Variants in PRKCQ observed in about 807,000 individuals in gnomAD.
PRKCQ encodes protein kinase C theta type.
In PRKCQ, 41 loss-of-function variants were observed where a neutral mutation model predicts 91.2. The ratio of observed to expected loss-of-function variants is 0.45; its 90% CI spans 0.35 to 0.58. The LOEUF (loss-of-function observed/expected upper bound fraction) is 0.58, where lower values mean the gene tolerates loss of function less well. Ranked by LOEUF, PRKCQ falls within the 20% of genes least tolerant of loss-of-function variation. The pLI, the probability that PRKCQ is intolerant of heterozygous loss-of-function variation, is 0.00. For missense variants in PRKCQ, 673 were observed against 896.5 expected (o/e 0.75, Z 3.18); for synonymous variants, 307 against 316.9 (o/e 0.97, Z 0.33).
At position 6,576,119 on chromosome 10, in the gene PRKCQ, C is replaced by T. The variant is rs570998107; in HGVS notation, c.-10+4092G>A. Among the ~76,000 whole-genome samples the T allele has an allele frequency of 1.7e-4, 26 of 152,160 alleles. No individual in the cohort carries two copies. Among genetic ancestry groups the T allele is most frequent in the South Asian group, 4.2e-4 (2 of 4,818 alleles). ...TTCTACCACTGGTGGGAATGTAAAA[C>T]GGTCCAGCCACTGTGGAAAACAATA... On this transcript the variant is annotated intron_variant, in intron 1 of 17. Transcript: ENST00000263125. This position sits in a 1 kb window ranked among gnomAD's most constrained non-coding sequence, Gnocchi z 4.2.
chr10:6,428,826 C>T (rs879537311), intron 17 of PRKCQ, among the ~76,000 whole-genome samples: 5 of 152,146 alleles, frequency 3.3e-5, no homozygotes, highest in Admixed American at 6.5e-5. Context: ...CTTTTATCAA[C>T]GTTCTTGGCT....
chr10:6,490,292 T>C (rs765073651), intron 8 of PRKCQ, among the ~76,000 whole-genome samples: 5 of 151,890 alleles, frequency 3.3e-5, no homozygotes, highest in Non-Finnish European at 7.4e-5. Context: ...AAGGGGAGAA[T>C]GCGGAAGATG....
In PRKCQ at chr10:6,562,991, T is replaced by A. The variant is rs116891000; in HGVS notation, c.-10+17220A>T. On this transcript the variant is annotated intron_variant, in intron 1 of 17. Coordinates refer to ENST00000263125, the MANE Select transcript of PRKCQ (RefSeq NM_006257.5). ...ATTTTCTGTAGTGATTACTTTTTAG[T>A]TTTTTTGTTGAAAAAAGGCTATGGA... Among the ~76,000 whole-genome samples, 20 of 152,222 alleles carry A rather than the reference T, an allele frequency of 1.3e-4. No individual in the cohort carries two copies. The East Asian group carries it at 3.9e-3, about 29-fold the overall frequency.
At chr10:6,495,240 G>C (rs1837524878) in intron 7 of PRKCQ, among the ~76,000 whole-genome samples, 1 of 152,152 alleles carries the variant, frequency 6.6e-6, no homozygotes, top group Admixed American at 6.6e-5. Context: ...TCTACTACAA[G>C]TTGCACAAAA....
chr10:6,402,309 A>G, the PRKCQ span, among the ~76,000 whole-genome samples: 27 of 149,874 alleles, frequency 1.8e-4, no homozygotes, highest in African/African-American at 6.7e-4. Flanking sequence ...CGTGTTCTGC[A>G]CATCTACCCC....
At chr10:6,499,786 G>C (rs112499850) in intron 4 of PRKCQ, among the ~76,000 whole-genome samples, 1 of 152,120 alleles carries the variant, frequency 6.6e-6, no homozygotes, top group African/African-American at 2.4e-5. Context: ...CTGACAATGC[G>C]TTTGGGGCAA....
At chr10:6,485,931 T>C in intron 9 of PRKCQ, 104 bp downstream of exon 9, 1 of 971,608 alleles carries the variant, frequency 1.0e-6, no homozygotes. Flanking sequence ...CAGAAATACA[T>C]CCCGGCATTT....
the PRKCQ span, among the ~76,000 whole-genome samples, chr10:6,408,056 T>C: frequency 9.8e-5 from 14 of 142,530 alleles, no homozygotes; most frequent in Admixed American, 8.1e-4. Context: ...GTTTTTTTTT[T>C]TTTTTTTTTT....
At chr10:6,521,252 G>T (rs1838991805) in intron 1 of PRKCQ, among the ~76,000 whole-genome samples, 1 of 152,142 alleles carries the variant, frequency 6.6e-6, no homozygotes, top group South Asian at 2.1e-4. Flanking sequence ...TGCTTAGGGA[G>T]TTCATTTTCA....
Position 6,485,184 on chromosome 10 carries a change from C to A in PRKCQ, c.986G>T (p.Arg329Met). ...TCCCGGTGTCGGTAAACATGGCGGC[C>A]TTGCTTCATTTTTGATGGAGCATGG... ...GLPCSIKNEA[R>M]PPCLPTPGKR... is the part of the protein sequence containing the mutation. Residue 329 changes from arginine to methionine, a missense_variant, in exon 10 of 18, where the codon AGG (arginine) becomes ATG (methionine). By Grantham distance (91) the Arg-to-Met change is moderately conservative (BLOSUM62 -1). Coordinates refer to ENST00000263125, the MANE Select transcript of PRKCQ (RefSeq NM_006257.5). The A allele has an allele frequency of 1.2e-6, 2 of 1,614,000 alleles. No homozygotes were observed.
At chr10:6,462,169 G>A in intron 14 of PRKCQ, 134 bp downstream of exon 14, 5 of 754,720 alleles carry the variant, frequency 6.6e-6, no homozygotes, top group Non-Finnish European at 6.8e-6. Flanking sequence ...AATCATTGTG[G>A]GCAGCAGACC....
chr10:6,560,334 G>A (rs1840580709), intron 1 of PRKCQ, among the ~76,000 whole-genome samples: 1 of 152,146 alleles, frequency 6.6e-6, no homozygotes, highest in South Asian at 2.1e-4. Context: ...GGAGCGGCGT[G>A]CTACAGGCAG....
intron 15 of PRKCQ, among the ~76,000 whole-genome samples, chr10:6,454,719 A>C (rs1283733707): frequency 6.6e-6 from 1 of 152,050 alleles, no homozygotes; most frequent in Non-Finnish European, 1.5e-5. Context: ...CAAGCAGGAA[A>C]GTGGACGTAG....
chr10:6,446,150 C>G (rs1054945711), intron 15 of PRKCQ, among the ~76,000 whole-genome samples: 1 of 152,130 alleles, frequency 6.6e-6, no homozygotes, highest in Non-Finnish European at 1.5e-5. Context: ...AAGAACCCCC[C>G]TGAGCTAGGC....
intron 1 of PRKCQ, among the ~76,000 whole-genome samples, chr10:6,578,529 T>A (rs12246512): frequency 0.024 from 3,582 of 152,296 alleles, 159 homozygotes; most frequent in African/African-American, 0.081. Context: ...AAACAACAAC[T>A]GAAAAACTTA....
intron 2 of PRKCQ, 33 bp from the exon 3 acceptor site, chr10:6,511,227 T>C: frequency 6.3e-7 from 1 of 1,596,078 alleles, no homozygotes; most frequent in East Asian, 2.2e-5. Flanking sequence ...TCATTATTCC[T>C]TCAGCCAGGC....
chr10:6,410,673 T>A, the PRKCQ span, among the ~76,000 whole-genome samples: 1 of 152,118 alleles, frequency 6.6e-6, no homozygotes. Context: ...AGTTGAGCAA[T>A]TCCACCCAGC....
At chr10:6,439,468 T>C (rs1356699458) in intron 16 of PRKCQ, among the ~76,000 whole-genome samples, 4 of 151,926 alleles carry the variant, frequency 2.6e-5, no homozygotes, top group Non-Finnish European at 4.4e-5. Context: ...AGTCCACTAA[T>C]ATGTAGATTT....
At chr10:6,549,792 G>C (rs1036191894) in intron 1 of PRKCQ, among the ~76,000 whole-genome samples, 2 of 151,620 alleles carry the variant, frequency 1.3e-5, no homozygotes, top group Non-Finnish European at 2.9e-5. Flanking sequence ...CACCATGCCC[G>C]GCTAATTTTT....
Sources: gnomAD v4.1 joint callset for allele counts (sites outside exome capture counted in the v4.1 genomes callset) on GRCh38, gnomAD v4.1.1 for gene constraint, Gnocchi (gnomAD v3.1) non-coding constraint, MANE v1.5 for transcripts, NCBI Gene and HGNC (gene_info 2026-07-23, HGNC 2026-07-21) for gene names.